The following CPLX2 variants were observed in gnomAD, a reference collection of about 807,000 sequenced individuals.
The protein encoded by CPLX2 is complexin 2.
Under a neutral mutation model 16.3 loss-of-function variants are expected in CPLX2, and 5 were observed. That is an observed-to-expected ratio of 0.31 (90% CI 0.16 to 0.64). CPLX2 has a LOEUF of 0.64. Among genes scored for constraint, CPLX2 ranks in the 30% least tolerant of loss-of-function variants. The pLI is 0.79. For missense variants in CPLX2, 144 were observed against 181.4 expected (o/e 0.79, Z 1.18); for synonymous variants, 89 against 73.2 (o/e 1.22, Z -1.10).
intron 1 of CPLX2, among the ~76,000 whole-genome samples, chr5:175,801,161 TAAAA>T (rs3051187): frequency 9.9e-5 from 14 of 140,956 alleles, no homozygotes; most frequent in Non-Finnish European, 1.7e-4. Flanking sequence ...AGAGGAGTGT[TAAAA>T]AAAAAAAAAA....
chr5:175,858,360 G>A (rs1157598049), intron 2 of CPLX2, among the ~76,000 whole-genome samples: 1 of 152,212 alleles, frequency 6.6e-6, no homozygotes, highest in East Asian at 1.9e-4. Context: ...CAGCGGGCAG[G>A]CCCAAGGCAC....
rs891215961 is a variant in CPLX2 at position 175,872,589 on chromosome 5, A to G, written c.-89+884A>G. Among the ~76,000 whole-genome samples, 3 of 150,706 alleles carry G rather than the reference A, an allele frequency of 2.0e-5. No homozygotes were observed. The highest frequency in any genetic ancestry group is 7.4e-5 in the African/African-American group (3 of 40,790). ...CCTCTCTTCTGGCCGGGAAACGGGA[A>G]CCCCCGGCCACTTCCGCTTTTCAGC... On this transcript the variant is annotated intron_variant, in intron 1 of 3. Transcript: ENST00000393745. The surrounding 1 kb of genome is among the most constrained non-coding windows in gnomAD (Gnocchi z 5.0).
chr5:175,866,537 G>A (rs1227937714), intron 2 of CPLX2, among the ~76,000 whole-genome samples: 4 of 152,140 alleles, frequency 2.6e-5, no homozygotes, highest in African/African-American at 7.2e-5. Context: ...CTACAGTGTG[G>A]GCTGGGAGAC....
chr5:175,844,538 G>A (rs1052372650), intron 2 of CPLX2, among the ~76,000 whole-genome samples: 1 of 152,206 alleles, frequency 6.6e-6, no homozygotes, highest in Non-Finnish European at 1.5e-5. Flanking sequence ...GACAAGGAGG[G>A]TGGCTTGTTG....
chr5:175,826,372 G>A (rs888456785), intron 2 of CPLX2, among the ~76,000 whole-genome samples: 2 of 152,114 alleles, frequency 1.3e-5, no homozygotes, highest in African/African-American at 4.8e-5. Flanking sequence ...GCAAGGCTGG[G>A]CCAGATGTTC....
rs529259599 is a variant in CPLX2, at chr5:175,858,715, G to A, written c.-88-19937G>A. On this transcript the variant is annotated intron_variant, in intron 2 of 4. Coordinates refer to the CPLX2 transcript ENST00000359546. ...AGGATCTTGCGAAGTTATAGGCACC[G>A]GCTGCAAAATGCAAAAAAGCCTCCA... is the stretch of plus-strand genomic sequence containing the variant. Among the ~76,000 whole-genome samples, 23 of 152,336 alleles carry A rather than the reference G, an allele frequency of 1.5e-4. No individual in the cohort carries two copies. The South Asian group carries it at 2.1e-3, about 14-fold the overall frequency.
In CPLX2 at chr5:175,845,523, C is replaced by T. The variant is rs1020341279; in HGVS notation, c.-88-33129C>T. ...ACTCCCCCTCATGAGGGCCACTCCCCCTAGAGTAACTGCCCCCATCTGCGT... is the reference window on the plus strand; with the variant it reads ...ACTCCCCCTCATGAGGGCCACTCCCTCTAGAGTAACTGCCCCCATCTGCGT... On this transcript the variant is annotated intron_variant, in intron 2 of 4. Transcript: ENST00000359546. This position sits in a 1 kb window ranked among gnomAD's most constrained non-coding sequence, Gnocchi z 4.0. Among the ~76,000 whole-genome samples the T allele has an allele frequency of 2.0e-5, 3 of 152,238 alleles. No individual in the cohort carries two copies. Among genetic ancestry groups the T allele is most frequent in the African/African-American group, 7.2e-5 (3 of 41,466 alleles).
At chr5:175,863,486 T>C (rs1324931966) in intron 2 of CPLX2, among the ~76,000 whole-genome samples, 2 of 152,174 alleles carry the variant, frequency 1.3e-5, no homozygotes, top group East Asian at 1.9e-4. Flanking sequence ...GTGGAGATAA[T>C]GATATTTAAG....
chr5:175,867,328 A>G (rs1487578705), upstream of CPLX2, among the ~76,000 whole-genome samples: 1 of 152,108 alleles, frequency 6.6e-6, no homozygotes. Context: ...TGGCACACTC[A>G]TATCTGCAGC....
chr5:175,806,849 G>A (rs1478889356), intron 1 of CPLX2, among the ~76,000 whole-genome samples: 1 of 152,084 alleles, frequency 6.6e-6, no homozygotes, highest in Non-Finnish European at 1.5e-5. Context: ...AGAGACCTTG[G>A]CAGAGTCATT....
At chr5:175,812,784 A>G (rs955018980) in intron 2 of CPLX2, among the ~76,000 whole-genome samples, 5 of 152,236 alleles carry the variant, frequency 3.3e-5, no homozygotes, top group African/African-American at 4.8e-5. Context: ...AAGGCCTCAA[A>G]GAAGAAGCCC....
chr5:175,827,803 A>C (rs1487525854), intron 2 of CPLX2, among the ~76,000 whole-genome samples: 10 of 152,176 alleles, frequency 6.6e-5, no homozygotes, highest in Admixed American at 5.9e-4. Context: ...ACCAGCAGGG[A>C]GATGCACTTG....
chr5:175,806,484 C>T (rs1171449693), intron 1 of CPLX2, among the ~76,000 whole-genome samples: 4 of 152,006 alleles, frequency 2.6e-5, no homozygotes, highest in African/African-American at 4.8e-5. Context: ...TGTCCCCATT[C>T]GGCTGTGAAC....
rs995075809 is a variant in CPLX2, at chr5:175,872,088, TG to T, written c.-89+388del. On this transcript the variant is annotated intron_variant, in intron 1 of 3. Transcript: ENST00000393745. The surrounding 1 kb of genome is among the most constrained non-coding windows in gnomAD (Gnocchi z 5.0). ...GAGAACAACTTTGAGCTCGCGGGAG[TG>T]GGGGACGTCGATCTAAGCTACTTCT... The T allele has an allele frequency of 2.0e-5, 3 of 151,740 alleles. No individual in the cohort carries two copies. Among genetic ancestry groups the T allele is most frequent in the African/African-American group, 7.3e-5 (3 of 41,262 alleles). The allele number at this position is 151,740 out of a possible 1,614,324, so 9.4% of individuals were successfully genotyped here. A position where few individuals can be genotyped will look rare whatever the true frequency, so the allele number is the denominator to read the frequency against.
At position 175,878,965 on chromosome 5, in the gene CPLX2, C is replaced by T. The variant is rs1334772726; in HGVS notation, c.89C>T (p.Ala30Val). The part of the protein sequence containing the change: ...LGGEEEKDPD[A>V]QKKEEERQEA... ...GGAGAGGAGGAGAAGGACCCCGACG[C>T]GCAGAAAAAGGAGGAGGAGCGGCAG... The change falls in exon 3 of 4, where the codon GCG (alanine) becomes GTG (valine). Residue 30 changes from alanine (A) to valine (V), a missense_variant. Coordinates refer to ENST00000393745, the MANE Select transcript of CPLX2 (RefSeq NM_001008220.2). 6.2e-7 allele frequency: 1 copy of T among 1,610,372 alleles called. No homozygotes were observed. Among genetic ancestry groups the T allele is most frequent in the Non-Finnish European group, 8.5e-7 (1 of 1,178,456 alleles).
chr5:175,815,806 G>A (rs985744160), intron 2 of CPLX2, among the ~76,000 whole-genome samples: 2 of 152,234 alleles, frequency 1.3e-5, no homozygotes, highest in East Asian at 3.9e-4. Flanking sequence ...GACCCTCTGT[G>A]TTACTTGGAG....
intron 2 of CPLX2, among the ~76,000 whole-genome samples, chr5:175,838,594 T>C (rs781624481): frequency 3.9e-5 from 6 of 151,940 alleles, no homozygotes; most frequent in Non-Finnish European, 5.9e-5. Flanking sequence ...TCCCCAGGGG[T>C]TTCTGGGCTG....
intron 1 of CPLX2, among the ~76,000 whole-genome samples, chr5:175,804,817 T>C (rs896909378): frequency 2.0e-5 from 3 of 152,188 alleles, no homozygotes; most frequent in Non-Finnish European, 4.4e-5. Context: ...CTCCCCTGAC[T>C]ACCCAACCCT....
intron 1 of CPLX2, among the ~76,000 whole-genome samples, chr5:175,874,296 G>C (rs1366327673): frequency 6.6e-6 from 1 of 152,156 alleles, no homozygotes; most frequent in Non-Finnish European, 1.5e-5. Flanking sequence ...GCATTGCAAA[G>C]CTACAGCGTC....
Sources: allele counts gnomAD v4.1 joint callset (sites outside exome capture counted in the v4.1 genomes callset), GRCh38; gene constraint gnomAD v4.1.1; non-coding constraint Gnocchi (gnomAD v3.1); transcripts MANE v1.5; gene names NCBI Gene and HGNC (gene_info 2026-07-23, HGNC 2026-07-21).